MUC3A: variants seen among roughly 807,000 people sequenced by gnomAD.
The protein encoded by MUC3A is mucin 3A, cell surface associated.
In MUC3A, 109 loss-of-function variants were observed where a neutral mutation model predicts 109.0. The observed-to-expected ratio is 1.00, with a 90% CI of 0.86 to 1.17. The LOEUF (loss-of-function observed/expected upper bound fraction) is 1.17. Ranked by LOEUF, MUC3A falls within the 50% of genes most tolerant of loss-of-function variation. The pLI is 0.00. For missense variants in MUC3A, 3,537 were observed against 2,469.4 expected, an observed-to-expected ratio of 1.43 and a Z score of -9.16; for synonymous variants, 1,398 against 981.4, an observed-to-expected ratio of 1.42 and a Z score of -7.93.
rs1792239558 is a variant in MUC3A, at chr7:100,959,506, C to T, written c.7727C>T (p.Thr2576Ile). The T allele has an allele frequency of 1.3e-6, 2 of 1,588,106 alleles. No individual in the cohort carries two copies. Among genetic ancestry groups the T allele is most frequent in the Non-Finnish European group, 8.5e-7 (1 of 1,175,698 alleles). Reference protein sequence around the residue: ...FSTSIVVIPETPTQTPPVLTS... With the variant: ...FSTSIVVIPEIPTQTPPVLTS... ...ACAAGTATTGTTGTTATACCTGAAA[C>T]CCCAACACAGACCCCTCCTGTACTG... Residue 2576 changes from threonine (T) to isoleucine (I), a missense_variant, in exon 2 of 12, where the codon ACC becomes ATC. Coordinates refer to ENST00000379458, the MANE Select transcript of MUC3A (RefSeq NM_005960.2).
At position 100,957,478 on chromosome 7, in the gene MUC3A, C is replaced by A; in HGVS notation, c.5699C>A (p.Thr1900Asn). The A allele has an allele frequency of 2.1e-6, 3 of 1,435,456 alleles. No homozygotes were observed. Among genetic ancestry groups the A allele is most frequent in the African/African-American group, 1.5e-5 (1 of 67,258 alleles). 88.9% of individuals were successfully genotyped at this position (1,435,456 alleles called of 1,614,324 possible). Reference protein sequence around the residue: ...TNLVTTTTKITSHSTPSFTSS... With the variant: ...TNLVTTTTKINSHSTPSFTSS... ...TTGGTAACCACGACCACCAAGATCA[C>A]CTCACACAGTACTCCTAGCTTCACT... The change falls in exon 2 of 12, where the codon ACC (threonine) becomes AAC (asparagine). Residue 1900 changes from threonine (T) to asparagine (N), a missense_variant. Transcript: ENST00000379458.
At position 100,965,340 on chromosome 7, in the gene MUC3A, C is replaced by A; in HGVS notation, c.9441C>A (p.Thr3147=). ...ACAACAACAGCAAGACAGAGCTGAC[C>A]CCGGCAGGTAAGGGTGGGGTAAAGG... is the stretch of plus-strand genomic sequence containing the variant. ...KVNNNSKTEL[T]PAAICRRAAP... The change falls in exon 7 of 12, where the codon ACC becomes ACA. Residue 3147 remains threonine (T), a synonymous_variant. Transcript: ENST00000379458. 1 of 1,598,718 alleles carries A rather than the reference C, an allele frequency of 6.3e-7. No individual in the cohort carries two copies. Among genetic ancestry groups the A allele is most frequent in the East Asian group, 2.2e-5 (1 of 44,864 alleles).
intron 5 of MUC3A, chr7:100,964,024 C>T: frequency 1.7e-6 from 1 of 599,440 alleles, no homozygotes; most frequent in Non-Finnish European, 2.9e-6. Context: ...CTTTGTCCCC[C>T]TCTGGCTGGC....
In MUC3A at chr7:100,956,718, A is replaced by ATCT; in HGVS notation, c.4939_4940insTCT (p.Asn1647delinsIleTyr). 1 of 416,942 alleles carries ATCT rather than the reference A, an allele frequency of 2.4e-6. No homozygotes were observed. The highest frequency in any genetic ancestry group is 1.0e-4 in the South Asian group (1 of 9,976). The allele number at this position is 416,942 out of a possible 1,614,324, so 25.8% of individuals were successfully genotyped here. A position where few individuals can be genotyped will look rare whatever the true frequency, so the allele number is the denominator to read the frequency against. On this transcript the variant is annotated protein_altering_variant, in exon 2 of 12. Coordinates refer to ENST00000379458, the MANE Select transcript of MUC3A (RefSeq NM_005960.2). ...AGGACCAACTTTCACAAGTACTGAG[A>ATCT]ACACTCCAACAAGGTCCCTCCTGAC...
rs79069510 is a variant in MUC3A at position 100,958,831 on chromosome 7, A to G, written c.7052A>G (p.Asn2351Ser). Residue 2351 changes from asparagine (N) to serine (S), a missense_variant, in exon 2 of 12, where the codon AAC becomes AGC. Physicochemically the swap from Asn to Ser is conservative, Grantham distance 46 (BLOSUM62 1). Coordinates refer to ENST00000379458, the MANE Select transcript of MUC3A (RefSeq NM_005960.2). ...TCTTCGATCACCACCACCGAGACCA[A>G]CTCTCACAGTACTACCAGCTTCACT... Reference protein sequence around the residue: ...FTSSITTTETNSHSTTSFTSS... With the variant: ...FTSSITTTETSSHSTTSFTSS... 1 of 688,260 alleles carries G rather than the reference A, an allele frequency of 1.5e-6. No homozygotes were observed. The highest frequency in any genetic ancestry group is 3.4e-5 in the South Asian group (1 of 29,618). 42.6% of individuals were successfully genotyped at this position (688,260 alleles called of 1,614,324 possible).
At chr7:100,964,466 A>G in intron 5 of MUC3A, 1 of 663,862 alleles carries the variant, frequency 1.5e-6, no homozygotes, top group South Asian at 2.7e-5. Flanking sequence ...TCTATAAAAC[A>G]CACAGAGAGA....
At position 100,959,578 on chromosome 7, in the gene MUC3A, C is replaced by T. The variant is rs1792243366; in HGVS notation, c.7799C>T (p.Thr2600Ile). The T allele has an allele frequency of 3.8e-6, 6 of 1,595,784 alleles. No homozygotes were observed. The highest frequency in any genetic ancestry group is 1.3e-5 in the African/African-American group (1 of 74,946). Residue 2600 changes from threonine to isoleucine, a missense_variant, in exon 2 of 12, where the codon ACC becomes ATC. Transcript: ENST00000379458. ...TQTSPAPTTV[T>I]FGSTDSSTST... ...ACATCTCCTGCACCTACTACTGTCA[C>T]CTTTGGAAGTACGGATTCCTCCACG...
chr7:100,959,887 T>C lies in MUC3A; in HGVS notation c.8108T>C (p.Phe2703Ser), dbSNP rs1792257239. 1 of 1,547,280 alleles carries C rather than the reference T, an allele frequency of 6.5e-7. No individual in the cohort carries two copies. Among genetic ancestry groups the C allele is most frequent in the African/African-American group, 1.4e-5 (1 of 73,550 alleles). Residue 2703 changes from phenylalanine to serine, a missense_variant, in exon 2 of 12, where the codon TTT (phenylalanine) becomes TCT (serine). Coordinates refer to ENST00000379458, the MANE Select transcript of MUC3A (RefSeq NM_005960.2). Reference protein sequence around the residue: ...SPSSASITPVFSTTIHSVPSS... With the variant: ...SPSSASITPVSSTTIHSVPSS... ...TCTTCTGCCAGCATAACTCCAGTGT[T>C]TTCCACTACCATTCATTCTGTTCCT...
Position 100,956,299 on chromosome 7 carries a change from C to A in MUC3A, c.4520C>A (p.Thr1507Lys). Reference sequence around the variant, plus strand: ...TCTTCCTTGGTCTCAACCGCAGAAACAGCCAAAACTCCTACCACAAACTTG... The same window carrying A: ...TCTTCCTTGGTCTCAACCGCAGAAAAAGCCAAAACTCCTACCACAAACTTG... Reference protein sequence around the residue: ...PTSSLVSTAETAKTPTTNLVT... With the variant: ...PTSSLVSTAEKAKTPTTNLVT... The change falls in exon 2 of 12, where the codon ACA becomes AAA. Residue 1507 changes from threonine (T) to lysine (K), a missense_variant. Transcript: ENST00000379458. The A allele has an allele frequency of 1.9e-6, 1 of 534,986 alleles. No individual in the cohort carries two copies. The highest frequency in any genetic ancestry group is 3.3e-6 in the Non-Finnish European group (1 of 304,746). The allele number at this position is 534,986 out of a possible 1,614,324, so 33.1% of individuals were successfully genotyped here.
intron 8 of MUC3A, 183 bp downstream of exon 8, chr7:100,966,049 T>TCGCACTAAAGTGTAGCCCCGCCTCC: frequency 1.2e-6 from 1 of 855,048 alleles, no homozygotes; most frequent in Non-Finnish European, 1.7e-6. Context: ...GCTCTGCTCC[T>TCGCACTAAAGTGTAGCCCCGCCTCC]TTGATGGGGT....
rs587671467 is a variant in MUC3A, at chr7:100,964,915, C to A, written c.9382+72C>A. 317 of 1,517,802 alleles carry A rather than the reference C, an allele frequency of 2.1e-4. No individual in the cohort carries two copies. The South Asian group carries it at 3.6e-3, about 17-fold the overall frequency. The allele number at this position is 1,517,802 out of a possible 1,614,324, so 94.0% of individuals were successfully genotyped here. A position where few individuals can be genotyped will look rare whatever the true frequency, so the allele number is the denominator to read the frequency against. On this transcript the variant is annotated intron_variant, in intron 6 of 11. Coordinates refer to ENST00000379458, the MANE Select transcript of MUC3A (RefSeq NM_005960.2). ...AGCCCACTCCAGCTCAGCCAGGGGG[C>A]CACTGGGCTCAGGTGCCAGCCCTGT...
At chr7:100,966,099 C>G in intron 8 of MUC3A, 1 of 682,530 alleles carries the variant, frequency 1.5e-6, no homozygotes, top group Non-Finnish European at 2.2e-6. Context: ...ACCCCGCCCA[C>G]TCATTCTAGG....
intron 2 of MUC3A, 52 bp downstream of exon 2, chr7:100,960,697 G>C: frequency 6.3e-6 from 10 of 1,592,782 alleles, no homozygotes; most frequent in Non-Finnish European, 8.5e-6. Context: ...CAAAATTCCT[G>C]TGTCACTGAG....
At chr7:100,964,646 A>T (rs772162500) in intron 5 of MUC3A, 49 bp from the exon 6 acceptor site, 1 of 1,564,508 alleles carries the variant, frequency 6.4e-7, no homozygotes, top group South Asian at 1.1e-5. Context: ...CCCTCCAAGG[A>T]CCCATATGTT....
At position 100,958,505 on chromosome 7, in the gene MUC3A, A is replaced by T; in HGVS notation, c.6726A>T (p.Ser2242=). 2 of 379,670 alleles carry T rather than the reference A, an allele frequency of 5.3e-6. No individual in the cohort carries two copies. Among genetic ancestry groups the T allele is most frequent in the Non-Finnish European group, 7.8e-6 (2 of 254,780 alleles). 23.5% of individuals were successfully genotyped at this position (379,670 alleles called of 1,614,324 possible). The stretch of plus-strand genomic sequence containing the variant: ...ACAGTACTCCCGGCTTCACTTCTTC[A>T]ATCACCACCACTGAGACTACATCCC... ...TSHSTPGFTS[S]ITTTETTSHS... The change falls in exon 2 of 12, where the codon TCA becomes TCT. Residue 2242 remains serine, a synonymous_variant. Transcript: ENST00000379458.
Position 100,957,927 on chromosome 7 carries a change from G to T in MUC3A, c.6148G>T (p.Glu2050Ter). The change falls in exon 2 of 12, where the codon GAG becomes TAG. Residue 2050 changes from glutamate (E) to a stop codon, truncating the protein, a stop_gained. Coordinates refer to ENST00000379458, the MANE Select transcript of MUC3A (RefSeq NM_005960.2). LOFTEE classifies it high-confidence loss of function. ...CAGCTTCACTTCTTCGATCACCACC[G>T]AGACCACATCCCACAGTACTCCCAG... ...TPSFTSSITT[E>*]TTSHSTPSFT... 2 of 408,596 alleles carry T rather than the reference G, an allele frequency of 4.9e-6. No individual in the cohort carries two copies. Among genetic ancestry groups the T allele is most frequent in the Non-Finnish European group, 8.0e-6 (2 of 249,162 alleles). The allele number at this position is 408,596 out of a possible 1,614,324, so 25.3% of individuals were successfully genotyped here. A position where few individuals can be genotyped will look rare whatever the true frequency, so the allele number is the denominator to read the frequency against.
In MUC3A at chr7:100,965,781, G is replaced by T; in HGVS notation, c.9526G>T (p.Val3176Phe). The change falls in exon 8 of 12, where the codon GTC (valine) becomes TTC (phenylalanine). Residue 3176 changes from valine (V) to phenylalanine (F), a missense_variant. Physicochemically the swap from Val to Phe is conservative, Grantham distance 50. Transcript: ENST00000379458. ...GGTGGAGGCCACCCGGCTCCGCTGT[G>T]TCACCAAATGCACGTCGGGGGTGGA... ...PLVEATRLRC[V>F]TKCTSGVDNA... 1 of 1,598,044 alleles carries T rather than the reference G, an allele frequency of 6.3e-7. No homozygotes were observed. Among genetic ancestry groups the T allele is most frequent in the Non-Finnish European group, 8.5e-7 (1 of 1,179,404 alleles).
chr7:100,957,629 C>T lies in MUC3A; in HGVS notation c.5850C>T (p.Thr1950=). 1 of 1,353,632 alleles carries T rather than the reference C, an allele frequency of 7.4e-7. No individual in the cohort carries two copies. Among genetic ancestry groups the T allele is most frequent in the South Asian group, 1.7e-5 (1 of 58,558 alleles). The allele number at this position is 1,353,632 out of a possible 1,614,324, so 83.9% of individuals were successfully genotyped here. Residue 1950 remains threonine, a synonymous_variant, in exon 2 of 12, where the codon ACC becomes ACT. Transcript: ENST00000379458. ...RFTSSITNTK[T]TSHSSPSFTS... ...CTTCTTCAATCACCAATACCAAGACCACCTCACACAGCTCTCCCAGCTTCA... is the reference window on the plus strand; with the variant it reads ...CTTCTTCAATCACCAATACCAAGACTACCTCACACAGCTCTCCCAGCTTCA...
chr7:100,966,585 G>A, intron 9 of MUC3A, 26 bp downstream of exon 9: 1 of 1,580,062 alleles, frequency 6.3e-7, no homozygotes, highest in Admixed American at 1.7e-5. Flanking sequence ...GCGGGGCCGG[G>A]GGGCGAGGGC....
Sources: allele counts gnomAD v4.1 joint callset, GRCh38; gene constraint gnomAD v4.1.1; transcripts MANE v1.5; gene names NCBI Gene and HGNC (gene_info 2026-07-23, HGNC 2026-07-21).